PRIM2: variants seen among roughly 807,000 people sequenced by gnomAD.
The protein encoded by PRIM2 is DNA primase subunit 2.
PRIM2 carries 39 observed loss-of-function variants against 67.3 expected under a neutral mutation model. The observed-to-expected ratio is 0.58, with a 90% CI of 0.45 to 0.76. The LOEUF is 0.76. Ranked by LOEUF, PRIM2 falls within the 30% of genes least tolerant of loss-of-function variation. PRIM2 has a pLI of 0.00. For missense variants in PRIM2, 398 were observed against 598.7 expected, an observed-to-expected ratio of 0.66 and a Z score of 3.50; for synonymous variants, 143 against 198.7, an observed-to-expected ratio of 0.72 and a Z score of 2.36.
At chr6:57,599,108 G>A (rs1582012719) in intron 10 of PRIM2, among the ~76,000 whole-genome samples, 1 of 64,320 alleles carries the variant, frequency 1.6e-5, no homozygotes, top group Non-Finnish European at 3.0e-5. Flanking sequence ...TACCACACCC[G>A]GCTAATTTTT....
the PRIM2 span, among the ~76,000 whole-genome samples, chr6:57,304,226 A>C: frequency 6.6e-6 from 1 of 152,218 alleles, no homozygotes; most frequent in East Asian, 1.9e-4. Flanking sequence ...ATGGAAAAAA[A>C]TGGAAAAAAT....
chr6:57,267,753 T>A, the PRIM2 span, among the ~76,000 whole-genome samples: 40 of 149,022 alleles, frequency 2.7e-4, no homozygotes, highest in African/African-American at 8.6e-4. Flanking sequence ...TACAAAAAAA[T>A]TTTAAAATTA....
intron 10 of PRIM2, among the ~76,000 whole-genome samples, chr6:57,579,500 T>A (rs1227818429): frequency 6.6e-6 from 1 of 152,172 alleles, no homozygotes; most frequent in Non-Finnish European, 1.5e-5. Flanking sequence ...AGATAACATG[T>A]AATCTAATAA....
At chr6:57,523,289 A>G (rs1774668262) in intron 8 of PRIM2, among the ~76,000 whole-genome samples, 1 of 152,236 alleles carries the variant, frequency 6.6e-6, no homozygotes. Context: ...AGCAATTAAG[A>G]AATCTTTGCA....
intron 7 of PRIM2, among the ~76,000 whole-genome samples, chr6:57,484,217 T>G (rs1773694051): frequency 6.6e-6 from 1 of 152,236 alleles, no homozygotes; most frequent in Non-Finnish European, 1.5e-5. Flanking sequence ...CATGGAACAT[T>G]AAAACCATGC....
At chr6:57,472,930 G>A (rs1254912655) in intron 7 of PRIM2, among the ~76,000 whole-genome samples, 3 of 152,162 alleles carry the variant, frequency 2.0e-5, no homozygotes, top group African/African-American at 4.8e-5. Flanking sequence ...TCCAGGAAAG[G>A]CAATTATATG....
At chr6:57,265,801 C>G in the PRIM2 span, among the ~76,000 whole-genome samples, 1 of 152,148 alleles carries the variant, frequency 6.6e-6, no homozygotes, top group Non-Finnish European at 1.5e-5. Flanking sequence ...GTGTTAAATG[C>G]AGTTGGTTCC....
the PRIM2 span, among the ~76,000 whole-genome samples, chr6:57,295,224 C>T: frequency 6.6e-6 from 1 of 152,126 alleles, no homozygotes; most frequent in Non-Finnish European, 1.5e-5. Flanking sequence ...TTGTTTTTCT[C>T]CACCCCAGCT....
the PRIM2 span, among the ~76,000 whole-genome samples, chr6:57,249,496 C>A: frequency 2.2e-3 from 331 of 152,152 alleles, 6 homozygotes; most frequent in Admixed American, 0.019. Context: ...AATCCCAGCA[C>A]TTTGGGAGGC....
At chr6:57,244,003 C>G in the PRIM2 span, among the ~76,000 whole-genome samples, 1 of 152,146 alleles carries the variant, frequency 6.6e-6, no homozygotes, top group African/African-American at 2.4e-5. Flanking sequence ...AACTATGCAG[C>G]CATAGCTGGA....
intron 10 of PRIM2, among the ~76,000 whole-genome samples, chr6:57,596,393 GA>G (rs1205378276): frequency 6.6e-6 from 1 of 152,110 alleles, no homozygotes; most frequent in Non-Finnish European, 1.5e-5. Context: ...TGATTCCATT[GA>G]TATAAAGTTA....
chr6:57,582,952 A>C (rs1776124080), intron 10 of PRIM2, among the ~76,000 whole-genome samples: 1 of 77,384 alleles, frequency 1.3e-5, no homozygotes, highest in African/African-American at 5.2e-5. Flanking sequence ...CCCACCCCAC[A>C]ACAGTCCCCA....
intron 10 of PRIM2, among the ~76,000 whole-genome samples, chr6:57,561,537 C>T (rs1231309070): frequency 4.6e-5 from 7 of 152,272 alleles, no homozygotes; most frequent in South Asian, 4.1e-4. Context: ...CCAGCCAATT[C>T]GCTCAAACTT....
At chr6:57,440,326 G>A (rs1441701621) in intron 7 of PRIM2, among the ~76,000 whole-genome samples, 3 of 151,400 alleles carry the variant, frequency 2.0e-5, no homozygotes, top group African/African-American at 7.3e-5. Flanking sequence ...GTCTTGCTCT[G>A]TCGCTTAGGC....
At chr6:57,228,400 T>C in the PRIM2 span, among the ~76,000 whole-genome samples, 8 of 152,236 alleles carry the variant, frequency 5.3e-5, no homozygotes, top group African/African-American at 1.9e-4. Flanking sequence ...TAGTCCCTCC[T>C]AGGACTAGAT....
At chr6:57,348,835 C>T (rs563872589) in intron 5 of PRIM2, among the ~76,000 whole-genome samples, 1 of 151,116 alleles carries the variant, frequency 6.6e-6, no homozygotes, top group South Asian at 2.1e-4. Context: ...GCAACCTCTG[C>T]CTCCCGGGTT....
chr6:57,364,830 C>A (rs926553063), intron 5 of PRIM2, among the ~76,000 whole-genome samples: 2 of 152,122 alleles, frequency 1.3e-5, no homozygotes, highest in Admixed American at 6.6e-5. Context: ...ATTTGGCCAA[C>A]AAGTTCCCTT....
At chr6:57,339,060 A>T (rs1768376611) in intron 5 of PRIM2, among the ~76,000 whole-genome samples, 1 of 152,064 alleles carries the variant, frequency 6.6e-6, no homozygotes, top group Non-Finnish European at 1.5e-5. Context: ...ATACACCAAC[A>T]ACAGACAAAC....
intron 10 of PRIM2, among the ~76,000 whole-genome samples, chr6:57,557,667 G>A (rs1775540710): frequency 6.6e-6 from 1 of 151,278 alleles, no homozygotes; most frequent in Non-Finnish European, 1.5e-5. Context: ...TAACTATTGG[G>A]TACTAAGCTT....
Sources: allele counts gnomAD v4.1 joint callset (sites outside exome capture counted in the v4.1 genomes callset), GRCh38; gene constraint gnomAD v4.1.1; transcripts MANE v1.5; gene names NCBI Gene and HGNC (gene_info 2026-07-23, HGNC 2026-07-21).